PPIL2: variants seen among roughly 807,000 people sequenced by gnomAD.
The protein encoded by PPIL2 is peptidylprolyl isomerase like 2.
In PPIL2, 50 loss-of-function variants were observed where a neutral mutation model predicts 75.2. The ratio of observed to expected loss-of-function variants is 0.66; its 90% confidence interval spans 0.53 to 0.84. The LOEUF (loss-of-function observed/expected upper bound fraction) is 0.84, where lower values mean the gene tolerates loss of function less well. PPIL2 is among the 40% of genes least tolerant of loss of function. The pLI, the probability that PPIL2 is intolerant of heterozygous loss-of-function variation, is 0.00. For synonymous variants in PPIL2, 245 were observed against 258.8 expected, an observed-to-expected ratio of 0.95 and a Z score of 0.51; for missense variants, 590 against 685.0, an observed-to-expected ratio of 0.86 and a Z score of 1.55.
intron 2 of PPIL2, 43 bp from the exon 3 acceptor site, chr22:21,670,523 T>A (rs773117466): frequency 6.4e-7 from 1 of 1,562,234 alleles, no homozygotes; most frequent in East Asian, 2.2e-5. Context: ...GATGAAATAC[T>A]TTACAGAGTA....
intron 6 of PPIL2, among the ~76,000 whole-genome samples, chr22:21,676,243 AGTGTGTGTGTGTGTGTGTGT>A (rs36131221): frequency 2.3e-5 from 3 of 130,584 alleles, no homozygotes; most frequent in African/African-American, 8.6e-5. Context: ...TGTGATCAGC[AGTGTGTGTGTGTGTGTGTGT>A]GTGTGTGTGT....
chr22:21,682,403 C>T (rs200142824), intron 7 of PPIL2, 34 bp from the exon 8 acceptor site: 3 of 1,574,136 alleles, frequency 1.9e-6, no homozygotes, highest in Admixed American at 3.3e-5. Context: ...AGGCTTGGGG[C>T]AGGCATCGTA....
Position 21,688,073 on chromosome 22 carries a change from A to C in PPIL2, c.988A>C (p.Ile330Leu). 1 of 1,614,166 alleles carries C rather than the reference A, an allele frequency of 6.2e-7. No individual in the cohort carries two copies. Among genetic ancestry groups the C allele is most frequent in the South Asian group, 1.1e-5 (1 of 91,088 alleles). Residue 330 changes from isoleucine to leucine, a missense_variant and splice_region_variant, in exon 14 of 20, where the codon ATC becomes CTC. By Grantham distance (5) the Ile-to-Leu change is conservative (BLOSUM62 2). Coordinates refer to ENST00000398831, the MANE Select transcript of PPIL2 (RefSeq NM_014337.4). The part of the protein sequence containing the change: ...IFHRSIRNFV[I>L]QGGDPTGTGT... ...TGCTCACTGGCTTTTGTTTTCACAG[A>C]TCCAAGGGGGCGACCCCACAGGCAC... is the stretch of plus-strand genomic sequence containing the variant.
downstream of PPIL2, chr22:21,698,370 C>A (rs1459435814): frequency 6.6e-6 from 1 of 152,086 alleles, no homozygotes; most frequent in Admixed American, 6.6e-5. Context: ...GAAGGAGCAG[C>A]GAACTTGCCC....
chr22:21,688,959 A>T, intron 15 of PPIL2, 110 bp downstream of exon 15: 1 of 1,056,464 alleles, frequency 9.5e-7, no homozygotes, highest in Non-Finnish European at 1.4e-6. Context: ...TCATACCCAG[A>T]CGGTGTACGG....
chr22:21,676,307 TTTTGTGTGTGTG>T (rs1397010506), intron 6 of PPIL2, among the ~76,000 whole-genome samples: 10 of 36,694 alleles, frequency 2.7e-4, no homozygotes, highest in South Asian at 7.4e-4. Context: ...TATTTATTTA[TTTTGTGTGTGTG>T]TGTGTGTGTG....
At chr22:21,672,739 G>T (rs1318203270) in intron 5 of PPIL2, among the ~76,000 whole-genome samples, 1 of 152,192 alleles carries the variant, frequency 6.6e-6, no homozygotes, top group African/African-American at 2.4e-5. Flanking sequence ...CTGGTTCCGA[G>T]GGAGATCTAG....
intron 16 of PPIL2, 89 bp from the exon 17 acceptor site, chr22:21,694,504 T>G (rs942948434): frequency 3.7e-5 from 54 of 1,468,380 alleles, no homozygotes; most frequent in Middle Eastern, 2.2e-4. Context: ...CTCGGGGCTC[T>G]CAACCCCTCT....
In PPIL2 at chr22:21,684,707, G is replaced by A. The variant is rs764484710; in HGVS notation, c.554-46G>A. 25 of 1,603,144 alleles carry A rather than the reference G, an allele frequency of 1.6e-5. No homozygotes were observed. In the Admixed American group the frequency reaches 4.2e-4, roughly 27 times the overall value. On this transcript the variant is annotated intron_variant, in intron 9 of 19. Coordinates refer to ENST00000398831, the MANE Select transcript of PPIL2 (RefSeq NM_014337.4). ...TGTGTCCCCAGCACGTGTGTGGGGA[G>A]GCTACTGGGGGCTCGGCGGCTCAGG... is the stretch of plus-strand genomic sequence containing the variant.
rs759377323 is a variant in PPIL2 at position 21,686,961 on chromosome 22, A to G, written c.860A>G (p.Asn287Ser). 32 of 1,613,154 alleles carry G rather than the reference A, an allele frequency of 2.0e-5. No individual in the cohort carries two copies. Among genetic ancestry groups the G allele is most frequent in the Non-Finnish European group, 4.2e-6 (5 of 1,179,778 alleles). ...KKKGYVRLHT[N>S]KGDLNLELHC... ...AAGGGCTACGTGCGGCTGCACACCA[A>G]CAAGGGCGACCTCAACCTGGAGCTG... Residue 287 changes from asparagine (N) to serine (S), a missense_variant, in exon 12 of 20, where the codon AAC (asparagine) becomes AGC (serine). Asn to Ser is a conservative substitution (Grantham distance 46). Coordinates refer to ENST00000398831, the MANE Select transcript of PPIL2 (RefSeq NM_014337.4).
In PPIL2 at chr22:21,666,014, T is replaced by A; in HGVS notation, c.-86T>A. On this transcript the variant is annotated 5_prime_UTR_variant, in exon 1 of 20. Coordinates refer to ENST00000398831, the MANE Select transcript of PPIL2 (RefSeq NM_014337.4). ...CGGGGCGCGCCGCGGAACCCGGAAG[T>A]GGTCACGGAACTCGGCTGCGGCTCC... The A allele has an allele frequency of 6.7e-7, 1 of 1,494,090 alleles. No individual in the cohort carries two copies. Among genetic ancestry groups the A allele is most frequent in the Non-Finnish European group, 9.1e-7 (1 of 1,099,974 alleles). 92.6% of individuals were successfully genotyped at this position (1,494,090 alleles called of 1,614,324 possible).
In PPIL2 at chr22:21,694,747, G is replaced by T; in HGVS notation, c.1270-8G>T. ...ACCTGCCGTGCACTGAGCCCCCTTT[G>T]CTGCTAGGAGGAGATCCGCATTGAT... On this transcript the variant is annotated splice_polypyrimidine_tract_variant and splice_region_variant and intron_variant, in intron 17 of 19. Transcript: ENST00000398831. 1 of 1,610,744 alleles carries T rather than the reference G, an allele frequency of 6.2e-7. No homozygotes were observed.
intron 15 of PPIL2, among the ~76,000 whole-genome samples, chr22:21,692,404 T>C (rs148487228): frequency 0.014 from 2,113 of 149,938 alleles, 35 homozygotes; most frequent in Non-Finnish European, 0.023. Flanking sequence ...TCCGCCCACC[T>C]TGGCCTCCCA....
intron 1 of PPIL2, chr22:21,669,537 G>A (rs541593752): frequency 1.1e-5 from 4 of 350,446 alleles, no homozygotes; most frequent in Admixed American, 3.5e-5. Context: ...GTCTCACTCT[G>A]TCACCCAGGC....
In PPIL2 at chr22:21,694,369, C is replaced by A. The variant is rs56044232; in HGVS notation, c.1197-224C>A. Among the ~76,000 whole-genome samples the A allele has an allele frequency of 8.6e-3, 1,222 of 142,164 alleles. 22 individuals are homozygous for A. The highest frequency in any genetic ancestry group is 0.03 in the African/African-American group (1,160 of 38,738). The allele number at this position is 142,164 out of a possible 152,430, so 93.3% of individuals were successfully genotyped here. On this transcript the variant is annotated intron_variant, in intron 16 of 19. Transcript: ENST00000398831. ...TATTTTTCCTGTGGGTGGGGGAAAC[C>A]AAAAAAAAAACAAAAACAGAAAAAA...
At chr22:21,691,403 A>G (rs2067625855) in intron 15 of PPIL2, among the ~76,000 whole-genome samples, 2 of 152,108 alleles carry the variant, frequency 1.3e-5, no homozygotes, top group African/African-American at 4.8e-5. Context: ...GGAGGAGGCC[A>G]GGCGCGGTGG....
chr22:21,696,239 T>G lies in PPIL2; in HGVS notation c.*749T>G. On this transcript the variant is annotated 3_prime_UTR_variant, in exon 20 of 20. Transcript: ENST00000398831. The stretch of plus-strand genomic sequence containing the variant: ...CCTGCCTGAGCTCTCAGGGCCCTGC[T>G]CACCTGCTCTGGCTGTGAACCACCT... 9.9e-7 allele frequency: 1 copy of G among 1,015,228 alleles called. No homozygotes were observed. Among genetic ancestry groups the G allele is most frequent in the Non-Finnish European group, 1.2e-6 (1 of 847,310 alleles). The allele number at this position is 1,015,228 out of a possible 1,614,324, so 62.9% of individuals were successfully genotyped here.
At chr22:21,690,957 CTTTTTTT>C (rs34639269) in intron 15 of PPIL2, among the ~76,000 whole-genome samples, 3 of 64,700 alleles carry the variant, frequency 4.6e-5, no homozygotes, top group South Asian at 6.4e-4. Context: ...GCCACCTTCT[CTTTTTTT>C]TTTTTTTTTT....
intron 6 of PPIL2, among the ~76,000 whole-genome samples, chr22:21,678,556 C>T (rs929234348): frequency 2.6e-5 from 4 of 152,016 alleles, no homozygotes; most frequent in Admixed American, 1.3e-4. Flanking sequence ...TGGAATTCCC[C>T]GTGCGTGAAA....
Sources: gnomAD v4.1 joint callset for allele counts (sites outside exome capture counted in the v4.1 genomes callset) on GRCh38, gnomAD v4.1.1 for gene constraint, MANE v1.5 for transcripts, NCBI Gene and HGNC (gene_info 2026-07-23, HGNC 2026-07-21) for gene names.